The following RGS17 variants were observed in gnomAD, a reference collection of about 807,000 sequenced individuals.
RGS17 encodes regulator of G-protein signaling 17.
A neutral mutation model predicts 25.5 loss-of-function variants in RGS17; 12 were observed. The ratio of observed to expected loss-of-function variants is 0.47; its 90% confidence interval spans 0.30 to 0.76. RGS17 has a LOEUF of 0.76. Ranked by LOEUF, RGS17 falls within the 30% of genes least tolerant of loss-of-function variation. The probability of loss-of-function intolerance (pLI) is 0.07; values close to 1 mark genes in which losing one functional copy is unlikely to be tolerated. For synonymous variants in RGS17, 71 were observed against 76.9 expected, an observed-to-expected ratio of 0.92 and a Z score of 0.40; for missense variants, 196 against 242.2, an observed-to-expected ratio of 0.81 and a Z score of 1.27.
chr6:153,037,527 G>T (rs554597285), intron 2 of RGS17, among the ~76,000 whole-genome samples: 2 of 151,662 alleles, frequency 1.3e-5, no homozygotes, highest in South Asian at 4.2e-4. Context: ...CCAGGTTCAA[G>T]CGATTCTCCT....
chr6:153,050,368 C>T (rs7761831), intron 1 of RGS17, among the ~76,000 whole-genome samples: 63,479 of 151,738 alleles, frequency 0.42, 14,681 homozygotes, highest in East Asian at 0.62. Flanking sequence ...GAATATTATC[C>T]GTAATAATAA....
intron 1 of RGS17, among the ~76,000 whole-genome samples, chr6:153,057,853 A>G (rs902675047): frequency 3.3e-5 from 5 of 152,064 alleles, no homozygotes; most frequent in Non-Finnish European, 7.4e-5. Flanking sequence ...GCAGTTCACA[A>G]CAGGATTCAT....
rs950921107 is a variant in RGS17, at chr6:153,009,436, G to A, written c.*2138C>T. On this transcript the variant is annotated 3_prime_UTR_variant, in exon 5 of 5. Transcript: ENST00000206262. ...AGCAAGAAAAAAATTAAATAATTTA[G>A]GAACAATAGAACTTCACAATAGAAG... 2.0e-5 allele frequency: 3 copies of A among 151,812 alleles called. No individual in the cohort carries two copies. Among genetic ancestry groups the A allele is most frequent in the Non-Finnish European group, 4.4e-5 (3 of 67,860 alleles). 9.4% of individuals were successfully genotyped at this position (151,812 alleles called of 1,614,324 possible).
intron 1 of RGS17, among the ~76,000 whole-genome samples, chr6:153,103,718 T>G (rs1777340309): frequency 1.3e-5 from 2 of 152,238 alleles, no homozygotes; most frequent in South Asian, 4.1e-4. Flanking sequence ...TTATCTTTTC[T>G]TTTCTTTTGG....
intron 1 of RGS17, among the ~76,000 whole-genome samples, chr6:153,100,387 T>C (rs954876149): frequency 6.6e-6 from 1 of 152,170 alleles, no homozygotes; most frequent in African/African-American, 2.4e-5. Flanking sequence ...GTATCAACCT[T>C]TGACTAGAAT....
intron 4 of RGS17, 151 bp downstream of exon 4, chr6:153,024,111 C>G (rs1004098106): frequency 1.5e-5 from 9 of 609,516 alleles, no homozygotes; most frequent in Non-Finnish European, 2.3e-5. Flanking sequence ...AACATGTGTT[C>G]AAGGAAATTC....
intron 4 of RGS17, among the ~76,000 whole-genome samples, chr6:153,020,140 T>TATATATATA (rs1779232815): frequency 5.5e-5 from 1 of 18,238 alleles, no homozygotes; most frequent in Non-Finnish European, 9.4e-5. Context: ...ATATATATAT[T>TATATATATA]TTTTTTTTTT....
chr6:153,021,463 T>C (rs1298311504), intron 4 of RGS17, among the ~76,000 whole-genome samples: 4 of 152,232 alleles, frequency 2.6e-5, no homozygotes, highest in Non-Finnish European at 2.9e-5. Context: ...GCGCTGAGTA[T>C]ATCAATGAGT....
chr6:153,106,724 C>T (rs1270733240), intron 1 of RGS17, among the ~76,000 whole-genome samples: 1 of 151,932 alleles, frequency 6.6e-6, no homozygotes, highest in African/African-American at 2.4e-5. Context: ...CTCATTACAA[C>T]CTCCACCTCC....
intron 1 of RGS17, among the ~76,000 whole-genome samples, chr6:153,059,184 CTA>C (rs1238180040): frequency 6.6e-6 from 1 of 152,100 alleles, no homozygotes; most frequent in Non-Finnish European, 1.5e-5. Context: ...TATAAAAAGA[CTA>C]TAAAATAGTT....
At chr6:153,015,711 T>G (rs978811499) in intron 4 of RGS17, among the ~76,000 whole-genome samples, 4 of 151,910 alleles carry the variant, frequency 2.6e-5, no homozygotes, top group African/African-American at 9.7e-5. Flanking sequence ...TGGAGTGCAG[T>G]GGCGCGATCT....
At chr6:153,084,153 A>G (rs922175885) in intron 1 of RGS17, among the ~76,000 whole-genome samples, 2 of 152,160 alleles carry the variant, frequency 1.3e-5, no homozygotes, top group African/African-American at 4.8e-5. Context: ...TGGTTACTCA[A>G]GGATGAGAGT....
chr6:153,084,712 A>T (rs1777029183), intron 1 of RGS17, among the ~76,000 whole-genome samples: 1 of 152,172 alleles, frequency 6.6e-6, no homozygotes, highest in Admixed American at 6.5e-5. Flanking sequence ...TGCCTCCATT[A>T]ATGTAATAGG....
intron 1 of RGS17, among the ~76,000 whole-genome samples, chr6:153,062,382 A>C (rs1358636849): frequency 1.3e-5 from 2 of 152,172 alleles, no homozygotes; most frequent in Non-Finnish European, 2.9e-5. Context: ...CTGTTAGAGA[A>C]GAAGGGAAAA....
chr6:153,030,273 T>G (rs1274483702), intron 2 of RGS17, among the ~76,000 whole-genome samples: 1 of 152,178 alleles, frequency 6.6e-6, no homozygotes, highest in Admixed American at 6.5e-5. Flanking sequence ...ACAGTTTATC[T>G]ACTGATCTGT....
chr6:153,018,416 CT>C (rs1226615755), intron 4 of RGS17, among the ~76,000 whole-genome samples: 1 of 152,112 alleles, frequency 6.6e-6, no homozygotes, highest in Non-Finnish European at 1.5e-5. Flanking sequence ...GTTTCTTTTG[CT>C]GTAAAGTGGT....
At chr6:153,044,135 G>A (rs1776358236) in intron 1 of RGS17, 92 bp from the exon 2 acceptor site, 4 of 687,718 alleles carry the variant, frequency 5.8e-6, no homozygotes, top group African/African-American at 1.9e-5. Context: ...TAAGGAAGGA[G>A]GGAGGTAATT....
At chr6:153,121,646 T>C (rs1777632898) in intron 1 of RGS17, among the ~76,000 whole-genome samples, 1 of 152,206 alleles carries the variant, frequency 6.6e-6, no homozygotes, top group African/African-American at 2.4e-5. Context: ...ATCATACACA[T>C]TTATTCACTG....
intron 1 of RGS17, among the ~76,000 whole-genome samples, chr6:153,119,286 G>A (rs1199880813): frequency 1.3e-5 from 2 of 152,188 alleles, no homozygotes; most frequent in Non-Finnish European, 2.9e-5. Context: ...CAGTCATTGA[G>A]TTTCCTCCAT....
Sources: allele counts gnomAD v4.1 joint callset (sites outside exome capture counted in the v4.1 genomes callset), GRCh38; gene constraint gnomAD v4.1.1; transcripts MANE v1.5; gene names NCBI Gene and HGNC (gene_info 2026-07-23, HGNC 2026-07-21).